BRINP2: variants seen among roughly 807,000 people sequenced by gnomAD.
BRINP2 encodes the protein BMP/retinoic acid-inducible neural-specific protein 2.
A neutral mutation model predicts 69.2 loss-of-function variants in BRINP2; 21 were observed. That is an observed-to-expected ratio of 0.30 (90% CI 0.22 to 0.44). The LOEUF is 0.44. Ranked by LOEUF, BRINP2 falls within the 20% of genes least tolerant of loss-of-function variation. BRINP2 has a pLI of 1.00. For missense variants in BRINP2, 877 were observed against 986.0 expected, an observed-to-expected ratio of 0.89 and a Z score of 1.48; for synonymous variants, 380 against 394.1, an observed-to-expected ratio of 0.96 and a Z score of 0.42.
chr1:177,278,447 G>A, intron 6 of BRINP2, 116 bp from the exon 7 acceptor site: 2 of 907,246 alleles, frequency 2.2e-6, no homozygotes, highest in Non-Finnish European at 3.6e-6. Flanking sequence ...TGGGTGTGCA[G>A]CCTCCTTTCT....
chr1:177,257,000 T>A, intron 3 of BRINP2, 176 bp from the exon 4 acceptor site: 1 of 1,515,066 alleles, frequency 6.6e-7, no homozygotes. Context: ...GCCGCTGGCC[T>A]GTGGCTCCCT....
At chr1:177,262,885 G>A (rs1162580359) in intron 4 of BRINP2, among the ~76,000 whole-genome samples, 2 of 152,164 alleles carry the variant, frequency 1.3e-5, no homozygotes, top group Non-Finnish European at 2.9e-5. Flanking sequence ...CTGAGAGCCC[G>A]CTTCGGTGGC....
chr1:177,279,020 A>G (rs998237409), intron 7 of BRINP2, among the ~76,000 whole-genome samples: 3 of 152,230 alleles, frequency 2.0e-5, no homozygotes, highest in African/African-American at 4.8e-5. Flanking sequence ...GTTGATTCAA[A>G]TGTTATTCTA....
intron 1 of BRINP2, among the ~76,000 whole-genome samples, chr1:177,225,650 G>T (rs998677880): frequency 6.6e-6 from 1 of 152,200 alleles, no homozygotes; most frequent in African/African-American, 2.4e-5. Flanking sequence ...ATTATTTGTG[G>T]AGCATAAACA....
intron 1 of BRINP2, among the ~76,000 whole-genome samples, chr1:177,210,274 A>G (rs1649186243): frequency 6.6e-6 from 1 of 152,158 alleles, no homozygotes. Flanking sequence ...TTACTCACCT[A>G]AGTTCCAGAG....
At chr1:177,196,667 C>A (rs1186653028) in intron 1 of BRINP2, among the ~76,000 whole-genome samples, 1 of 151,930 alleles carries the variant, frequency 6.6e-6, no homozygotes, top group Non-Finnish European at 1.5e-5. Context: ...GTTCCCACCT[C>A]AGACCTATTG....
At chr1:177,191,382 T>G (rs540811242) in intron 1 of BRINP2, among the ~76,000 whole-genome samples, 1 of 152,266 alleles carries the variant, frequency 6.6e-6, no homozygotes, top group African/African-American at 2.4e-5. Flanking sequence ...GAACAAACTG[T>G]AGTAGCCCTT....
intron 1 of BRINP2, among the ~76,000 whole-genome samples, chr1:177,186,251 G>C (rs1648421381): frequency 6.6e-6 from 1 of 152,010 alleles, no homozygotes; most frequent in African/African-American, 2.4e-5. Context: ...CTCTATGGAT[G>C]ACACAATTCC....
intron 2 of BRINP2, among the ~76,000 whole-genome samples, chr1:177,243,678 G>A (rs1489533341): frequency 2.0e-5 from 3 of 152,176 alleles, no homozygotes; most frequent in East Asian, 3.9e-4. Flanking sequence ...GGTAACTGCT[G>A]AAACAAACAG....
intron 1 of BRINP2, among the ~76,000 whole-genome samples, chr1:177,218,930 A>C (rs1291925632): frequency 6.6e-6 from 1 of 152,168 alleles, no homozygotes; most frequent in Non-Finnish European, 1.5e-5. Flanking sequence ...ATGTCACTTC[A>C]ACTTGCCATT....
chr1:177,260,106 A>G (rs568160479), intron 4 of BRINP2, among the ~76,000 whole-genome samples: 16 of 152,348 alleles, frequency 1.1e-4, no homozygotes, highest in African/African-American at 3.8e-4. Flanking sequence ...TGTAATTCAT[A>G]GGGGGATGTC....
chr1:177,183,190 A>G (rs1648318821), intron 1 of BRINP2, among the ~76,000 whole-genome samples: 2 of 95,046 alleles, frequency 2.1e-5, no homozygotes, highest in Admixed American at 1.6e-4. Context: ...CTTTAGATGT[A>G]TCTCACAAAT....
At chr1:177,222,643 A>G (rs1649571105) in intron 1 of BRINP2, among the ~76,000 whole-genome samples, 1 of 152,082 alleles carries the variant, frequency 6.6e-6, no homozygotes, top group Admixed American at 6.5e-5. Flanking sequence ...CTTTACAAAT[A>G]TTAACTCTTT....
At position 177,259,932 on chromosome 1, in the gene BRINP2, C is replaced by T. The variant is rs970543969; in HGVS notation, c.669+2548C>T. 1.8e-4 allele frequency among the ~76,000 whole-genome samples: 28 copies of T among 152,306 alleles called. 1 individual carries two copies. The highest frequency in any genetic ancestry group is 1.2e-3 in the East Asian group (6 of 5,184). On this transcript the variant is annotated intron_variant, in intron 4 of 7. Transcript: ENST00000361539. ...TATGCCTGCAAACACAGCATCCATT[C>T]TGTAGCCCATGAATCAAGGAGTAAT...
intron 1 of BRINP2, among the ~76,000 whole-genome samples, chr1:177,211,425 G>A (rs574840635): frequency 3.0e-4 from 46 of 152,234 alleles, no homozygotes; most frequent in Non-Finnish European, 6.0e-4. Context: ...TCTAGTTCAG[G>A]ATTGTACATT....
At chr1:177,180,059 G>C (rs1372972859) in intron 1 of BRINP2, among the ~76,000 whole-genome samples, 1 of 152,104 alleles carries the variant, frequency 6.6e-6, no homozygotes, top group Admixed American at 6.5e-5. Flanking sequence ...AAATGGGTGG[G>C]ACAAGTTCAT....
Position 177,280,555 on chromosome 1 carries a change from T to A in BRINP2, c.1379T>A (p.Leu460Ter). ...TGCCAGGGCCCCATCCCATGTGCCT[T>A]GGGCGAAGGGCCCGCGTGTGCCCAC... is the stretch of plus-strand genomic sequence containing the variant. ...SSCQGPIPCA[L>*]GEGPACAHCA... Residue 460 changes from leucine to a stop codon, truncating the protein, a stop_gained, in exon 8 of 8, where the codon TTG (leucine) becomes TAG (stop). Coordinates refer to ENST00000361539, the MANE Select transcript of BRINP2 (RefSeq NM_021165.4). LOFTEE classifies it high-confidence loss of function. The A allele has an allele frequency of 6.2e-7, 1 of 1,614,192 alleles. No individual in the cohort carries two copies. Among genetic ancestry groups the A allele is most frequent in the Non-Finnish European group, 8.5e-7 (1 of 1,180,038 alleles).
intron 4 of BRINP2, 25 bp from the exon 5 acceptor site, chr1:177,273,463 C>G (rs1348391089): frequency 6.6e-7 from 1 of 1,523,990 alleles, no homozygotes; most frequent in East Asian, 2.3e-5. Flanking sequence ...TATCTAAACC[C>G]ACTCCCTACT....
At chr1:177,217,193 A>C (rs1388064946) in intron 1 of BRINP2, among the ~76,000 whole-genome samples, 2 of 149,812 alleles carry the variant, frequency 1.3e-5, no homozygotes, top group Non-Finnish European at 3.0e-5. Context: ...GATGTTCTTC[A>C]TTCTTTATTA....
Sources: gnomAD v4.1 joint callset for allele counts (sites outside exome capture counted in the v4.1 genomes callset) on GRCh38, gnomAD v4.1.1 for gene constraint, MANE v1.5 for transcripts, NCBI Gene and HGNC (gene_info 2026-07-23, HGNC 2026-07-21) for gene names.